The following SLC7A2 variants were observed in gnomAD, a reference collection of about 807,000 sequenced individuals.
The protein encoded by SLC7A2 is solute carrier family 7 member 2.
Under a neutral mutation model 58.9 loss-of-function variants are expected in SLC7A2, and 48 were observed. The ratio of observed to expected loss-of-function variants is 0.82; its 90% CI spans 0.65 to 1.04. The LOEUF (loss-of-function observed/expected upper bound fraction) is 1.04, where lower values mean the gene tolerates loss of function less well. Among genes scored for constraint, SLC7A2 ranks in the 50% least tolerant of loss-of-function variants. The probability of loss-of-function intolerance (pLI) is 0.00; values close to 1 mark genes in which losing one functional copy is unlikely to be tolerated. For synonymous variants in SLC7A2, 363 were observed against 314.5 expected (o/e 1.15, Z -1.63); for missense variants, 1,029 against 818.8 (o/e 1.26, Z -3.13).
chr8:17,524,425 C>T (rs866337077), intron 2 of SLC7A2, among the ~76,000 whole-genome samples: 3,842 of 128,412 alleles, frequency 0.03, 66 homozygotes, highest in East Asian at 0.062. Context: ...TGTGTGTACA[C>T]ACACACACAC....
intron 2 of SLC7A2, among the ~76,000 whole-genome samples, chr8:17,528,032 G>A (rs189871177): frequency 6.6e-6 from 1 of 152,098 alleles, no homozygotes; most frequent in Non-Finnish European, 1.5e-5. Context: ...AGGCGAAGAG[G>A]GGAAGGAGTA....
intron 2 of SLC7A2, among the ~76,000 whole-genome samples, chr8:17,529,152 C>G (rs1382367862): frequency 6.6e-6 from 1 of 152,146 alleles, no homozygotes. Flanking sequence ...CATTTAAAAA[C>G]CTTTGCAGAC....
intron 2 of SLC7A2, among the ~76,000 whole-genome samples, chr8:17,512,019 T>A (rs1424552721): frequency 6.6e-6 from 1 of 152,226 alleles, no homozygotes; most frequent in Non-Finnish European, 1.5e-5. Context: ...TCCTTTTTCT[T>A]CTTTTAAGAC....
chr8:17,523,071 A>T (rs554914803), intron 2 of SLC7A2, among the ~76,000 whole-genome samples: 1 of 152,126 alleles, frequency 6.6e-6, no homozygotes, highest in African/African-American at 2.4e-5. Flanking sequence ...ATGGGTTAAG[A>T]GGTGCAGCAA....
chr8:17,536,341 G>C (rs912991942), intron 2 of SLC7A2, among the ~76,000 whole-genome samples: 2 of 152,126 alleles, frequency 1.3e-5, no homozygotes, highest in African/African-American at 4.8e-5. Context: ...AAGGAAGGAA[G>C]ATCACTTGAG....
At chr8:17,531,704 G>A (rs994454577) in intron 2 of SLC7A2, among the ~76,000 whole-genome samples, 3 of 151,908 alleles carry the variant, frequency 2.0e-5, no homozygotes, top group Non-Finnish European at 2.9e-5. Flanking sequence ...AGACTTTATA[G>A]ACTAATATGA....
chr8:17,495,085 A>G (rs1799923101), upstream of SLC7A2, among the ~76,000 whole-genome samples: 1 of 152,250 alleles, frequency 6.6e-6, no homozygotes, highest in African/African-American at 2.4e-5. Context: ...AAGTAAAAAT[A>G]TGTGGGGAAA....
chr8:17,527,345 C>A (rs1240147032), intron 2 of SLC7A2, among the ~76,000 whole-genome samples: 1 of 152,102 alleles, frequency 6.6e-6, no homozygotes, highest in Non-Finnish European at 1.5e-5. Context: ...ATTCATTGGA[C>A]AAATGTTTAC....
At chr8:17,523,794 G>A (rs1284062189) in intron 2 of SLC7A2, among the ~76,000 whole-genome samples, 1 of 152,100 alleles carries the variant, frequency 6.6e-6, no homozygotes, top group African/African-American at 2.4e-5. Context: ...CTTCTCCACA[G>A]CAAAAGAAAT....
At position 17,567,064 on chromosome 8, in the gene SLC7A2, C is replaced by G. The variant is rs1585282227; in HGVS notation, c.*1918C>G. On this transcript the variant is annotated 3_prime_UTR_variant, in exon 13 of 13. Transcript: ENST00000494857. Reference sequence around the variant, plus strand: ...GTTATAGCATCCATGACACAGAACTCATTACGGACATTCCACAACTTCCAG... The same window carrying G: ...GTTATAGCATCCATGACACAGAACTGATTACGGACATTCCACAACTTCCAG... The G allele has an allele frequency of 6.6e-6, 1 of 152,616 alleles. No homozygotes were observed. The highest frequency in any genetic ancestry group is 1.5e-5 in the Non-Finnish European group (1 of 68,032). The allele number at this position is 152,616 out of a possible 1,614,324, so 9.5% of individuals were successfully genotyped here.
intron 1 of SLC7A2, among the ~76,000 whole-genome samples, chr8:17,501,204 G>C (rs1800146730): frequency 6.6e-6 from 1 of 151,958 alleles, no homozygotes; most frequent in South Asian, 2.1e-4. Context: ...AGTATAGATG[G>C]GGTTTCACCA....
intron 4 of SLC7A2, 113 bp from the exon 5 acceptor site, chr8:17,548,565 G>C (rs1802286535): frequency 2.7e-6 from 2 of 742,122 alleles, no homozygotes; most frequent in Non-Finnish European, 4.5e-6. Flanking sequence ...TAGATAGATG[G>C]AAATTAAAGA....
intron 2 of SLC7A2, among the ~76,000 whole-genome samples, chr8:17,522,165 T>C (rs748687642): frequency 2.0e-5 from 3 of 151,818 alleles, no homozygotes; most frequent in Non-Finnish European, 4.4e-5. Flanking sequence ...GCCCTCACAA[T>C]CATGGCAGAT....
At chr8:17,553,878 A>G (rs1197900578) in intron 7 of SLC7A2, among the ~76,000 whole-genome samples, 1 of 152,236 alleles carries the variant, frequency 6.6e-6, no homozygotes. Context: ...GAAATGGTGC[A>G]GCTAGTAAAC....
At position 17,543,211 on chromosome 8, in the gene SLC7A2, CACACAA is replaced by C. The variant is rs1483984399; in HGVS notation, c.-22-101_-22-96del. ...TGAAACACACACACACACACACACA[CACACAA>C]ACACACACACACACATACTCTAATT... is the stretch of plus-strand genomic sequence containing the variant. On this transcript the variant is annotated intron_variant, in intron 2 of 12. Coordinates refer to ENST00000494857, the MANE Select transcript of SLC7A2 (RefSeq NM_001370338.1). 6 of 984,514 alleles carry C rather than the reference CACACAA, an allele frequency of 6.1e-6. No homozygotes were observed. The Admixed American group carries it at 7.6e-5, about 13-fold the overall frequency. 61.0% of individuals were successfully genotyped at this position (984,514 alleles called of 1,614,324 possible).
intron 2 of SLC7A2, among the ~76,000 whole-genome samples, chr8:17,505,522 C>G (rs1800330309): frequency 6.6e-6 from 1 of 152,156 alleles, no homozygotes; most frequent in Non-Finnish European, 1.5e-5. Context: ...CAAGGGTATA[C>G]TTGACTTCAG....
At chr8:17,506,489 C>T (rs1222036293) in intron 2 of SLC7A2, among the ~76,000 whole-genome samples, 1 of 152,140 alleles carries the variant, frequency 6.6e-6, no homozygotes, top group Non-Finnish European at 1.5e-5. Flanking sequence ...GCTTTGGACA[C>T]GTTCCTTTCT....
At chr8:17,546,612 A>T (rs1220465017) in intron 4 of SLC7A2, among the ~76,000 whole-genome samples, 1 of 152,196 alleles carries the variant, frequency 6.6e-6, no homozygotes, top group Non-Finnish European at 1.5e-5. Context: ...AGTGGTTCCT[A>T]ACCTAACTTA....
chr8:17,556,930 C>G (rs1036995402), intron 8 of SLC7A2, among the ~76,000 whole-genome samples: 4 of 152,038 alleles, frequency 2.6e-5, no homozygotes, highest in Non-Finnish European at 4.4e-5. Flanking sequence ...AAGTGAGGCA[C>G]GCAGTGTGTT....
Sources: allele counts gnomAD v4.1 joint callset (sites outside exome capture counted in the v4.1 genomes callset), GRCh38; gene constraint gnomAD v4.1.1; transcripts MANE v1.5; gene names NCBI Gene and HGNC (gene_info 2026-07-23, HGNC 2026-07-21).